SEMA3E: variants seen among roughly 807,000 people sequenced by gnomAD.
The protein encoded by SEMA3E is semaphorin-3E.
A neutral mutation model predicts 93.6 loss-of-function variants in SEMA3E; 49 were observed. The observed-to-expected ratio is 0.52, with a 90% confidence interval of 0.42 to 0.66. The LOEUF (loss-of-function observed/expected upper bound fraction) is 0.66, where lower values mean the gene tolerates loss of function less well. Among genes scored for constraint, SEMA3E ranks in the 30% least tolerant of loss-of-function variants. The pLI is 0.00. For missense variants in SEMA3E, 906 were observed against 964.8 expected, an observed-to-expected ratio of 0.94 and a Z score of 0.81; for synonymous variants, 363 against 330.7, an observed-to-expected ratio of 1.10 and a Z score of -1.06.
chr7:83,463,329 A>C (rs915902631), intron 4 of SEMA3E, among the ~76,000 whole-genome samples: 2 of 152,076 alleles, frequency 1.3e-5, no homozygotes, highest in African/African-American at 4.8e-5. Flanking sequence ...CGCTGCTTTA[A>C]TACTTTTAGA....
At chr7:83,431,590 G>A (rs969262633) in intron 4 of SEMA3E, among the ~76,000 whole-genome samples, 1 of 152,020 alleles carries the variant, frequency 6.6e-6, no homozygotes, top group Admixed American at 6.6e-5. Context: ...TTGCAGTAGA[G>A]ACGAGATTTT....
chr7:83,530,448 T>C (rs1791265345), intron 1 of SEMA3E, among the ~76,000 whole-genome samples: 1 of 152,218 alleles, frequency 6.6e-6, no homozygotes, highest in Non-Finnish European at 1.5e-5. Context: ...CTAAAGTTGA[T>C]ACTACATATA....
chr7:83,597,610 G>A (rs572278244), intron 1 of SEMA3E, among the ~76,000 whole-genome samples: 2 of 152,234 alleles, frequency 1.3e-5, no homozygotes, highest in Non-Finnish European at 2.9e-5. Flanking sequence ...CTCATTTTCA[G>A]TCAGCAATTG....
chr7:83,572,260 G>A (rs764907967), intron 1 of SEMA3E, among the ~76,000 whole-genome samples: 1 of 151,984 alleles, frequency 6.6e-6, no homozygotes, highest in Admixed American at 6.6e-5. Flanking sequence ...AAGTGTATGA[G>A]TAGCCAAAGC....
chr7:83,632,640 G>A (rs116592130), intron 1 of SEMA3E, among the ~76,000 whole-genome samples: 23 of 152,034 alleles, frequency 1.5e-4, no homozygotes, highest in Non-Finnish European at 2.5e-4. Flanking sequence ...AACCTCTTTC[G>A]TAAATTGCCC....
At chr7:83,580,195 TAGAA>T (rs1792491400) in intron 1 of SEMA3E, among the ~76,000 whole-genome samples, 1 of 152,092 alleles carries the variant, frequency 6.6e-6, no homozygotes, top group African/African-American at 2.4e-5. Flanking sequence ...TACTTACAAA[TAGAA>T]AGAATATTCT....
chr7:83,538,149 A>G (rs373741306), intron 1 of SEMA3E, among the ~76,000 whole-genome samples: 21 of 152,268 alleles, frequency 1.4e-4, no homozygotes, highest in African/African-American at 3.8e-4. Flanking sequence ...AGTATGAATA[A>G]TGCTACTATA....
intron 1 of SEMA3E, among the ~76,000 whole-genome samples, chr7:83,614,490 A>C (rs893915853): frequency 1.3e-5 from 2 of 152,126 alleles, no homozygotes; most frequent in African/African-American, 2.4e-5. Context: ...TAGTAGCAAA[A>C]ATATTTTCTT....
intron 1 of SEMA3E, among the ~76,000 whole-genome samples, chr7:83,540,111 G>T (rs1791490264): frequency 6.6e-6 from 1 of 152,136 alleles, no homozygotes; most frequent in African/African-American, 2.4e-5. Context: ...CCGAACTCCT[G>T]ACCTCAGTTG....
intron 14 of SEMA3E, among the ~76,000 whole-genome samples, chr7:83,387,868 TTA>T (rs1212951179): frequency 3.2e-4 from 47 of 145,842 alleles, no homozygotes; most frequent in Non-Finnish European, 5.1e-4. Context: ...ATATATAACA[TTA>T]TATATATGTT....
intron 16 of SEMA3E, among the ~76,000 whole-genome samples, chr7:83,376,697 G>A (rs1183414899): frequency 3.3e-5 from 5 of 151,888 alleles, no homozygotes; most frequent in Non-Finnish European, 5.9e-5. Flanking sequence ...CACAATTAAA[G>A]TTTAAGAGTT....
intron 4 of SEMA3E, among the ~76,000 whole-genome samples, chr7:83,454,866 T>A (rs1488686817): frequency 1.3e-5 from 2 of 152,314 alleles, no homozygotes; most frequent in East Asian, 3.9e-4. Context: ...TTACAAAATA[T>A]TTAACTACAG....
chr7:83,368,205 CTCTCTGTGTG>C (rs777527801), intron 16 of SEMA3E, among the ~76,000 whole-genome samples, 167 bp from the exon 17 acceptor site: 10 of 87,480 alleles, frequency 1.1e-4, no homozygotes, highest in African/African-American at 2.8e-4. Flanking sequence ...CTCTCTCTCT[CTCTCTGTGTG>C]TGTGTGTGTG....
intron 2 of SEMA3E, among the ~76,000 whole-genome samples, chr7:83,488,590 T>C (rs73174563): frequency 0.016 from 2,370 of 152,250 alleles, 22 homozygotes; most frequent in South Asian, 0.038. Context: ...GTTGGAATAA[T>C]ACAATTTTCA....
At chr7:83,583,876 A>T (rs1792565205) in intron 1 of SEMA3E, among the ~76,000 whole-genome samples, 1 of 152,118 alleles carries the variant, frequency 6.6e-6, no homozygotes, top group South Asian at 2.1e-4. Context: ...CCGACCTGTG[A>T]CTAGGAGGAG....
At chr7:83,463,652 C>G (rs990292646) in intron 4 of SEMA3E, among the ~76,000 whole-genome samples, 1 of 152,004 alleles carries the variant, frequency 6.6e-6, no homozygotes, top group African/African-American at 2.4e-5. Context: ...TTATTGATGG[C>G]GGTTCCACCA....
Position 83,588,338 on chromosome 7 carries a change from G to A in SEMA3E, c.115+60090C>T, listed in dbSNP as rs780484267. On this transcript the variant is annotated intron_variant, in intron 1 of 16. Coordinates refer to ENST00000643230, the MANE Select transcript of SEMA3E (RefSeq NM_012431.3). ...GGAGTTTGCAATGAGCTGAGACCGTGCCACTGCACTCCAGCCTGGTGGCAG... is the reference window on the plus strand; with the variant it reads ...GGAGTTTGCAATGAGCTGAGACCGTACCACTGCACTCCAGCCTGGTGGCAG... Among the ~76,000 whole-genome samples the A allele has an allele frequency of 3.8e-4, 57 of 151,902 alleles. 1 individual carries two copies. Among genetic ancestry groups the A allele is most frequent in the South Asian group, 2.1e-4 (1 of 4,816 alleles).
rs901836202 is a variant in SEMA3E, at chr7:83,365,157, G to C, written c.*2429C>G. ...GTATGTGAGGGGTGTGTGTGTGTGT[G>C]TGTTGGGAGAGAGAGGGAGAAACTG... On this transcript the variant is annotated 3_prime_UTR_variant, in exon 17 of 17. Transcript: ENST00000643230. The C allele has an allele frequency of 6.6e-6, 1 of 152,112 alleles. No homozygotes were observed. Among genetic ancestry groups the C allele is most frequent in the African/African-American group, 2.4e-5 (1 of 41,400 alleles). 9.4% of individuals were successfully genotyped at this position (152,112 alleles called of 1,614,324 possible).
intron 1 of SEMA3E, among the ~76,000 whole-genome samples, chr7:83,572,047 T>C (rs529797331): frequency 9.9e-5 from 15 of 152,110 alleles, no homozygotes; most frequent in Non-Finnish European, 2.2e-4. Flanking sequence ...ATGAGAATTA[T>C]AAAACACCTC....
Sources: allele counts gnomAD v4.1 joint callset (sites outside exome capture counted in the v4.1 genomes callset), GRCh38; gene constraint gnomAD v4.1.1; transcripts MANE v1.5; gene names NCBI Gene and HGNC (gene_info 2026-07-23, HGNC 2026-07-21).